The following DNAH10 variants were observed in gnomAD, a reference collection of about 807,000 sequenced individuals.
DNAH10 encodes the protein dynein axonemal heavy chain 10, also known as axonemal beta dynein heavy chain 10.
DNAH10 carries 348 observed loss-of-function variants against 506.6 expected under a neutral mutation model. The observed-to-expected ratio is 0.69, with a 90% CI of 0.63 to 0.75. The LOEUF is 0.75. DNAH10 is among the 30% of genes least tolerant of loss of function. The pLI is 0.00. For missense variants in DNAH10, 5,179 were observed against 5,787.1 expected (o/e 0.89, Z 3.41); for synonymous variants, 2,059 against 2,198.6 (o/e 0.94, Z 1.78).
chr12:123,768,141 C>CCTCCTT (rs1377091463), intron 2 of DNAH10, among the ~76,000 whole-genome samples: 62 of 109,244 alleles, frequency 5.7e-4, no homozygotes, highest in African/African-American at 1.0e-3. Context: ...TCCTCCTCCT[C>CCTCCTT]CTTTTTTTTT....
chr12:123,800,699 GA>G (rs919337123), intron 15 of DNAH10, among the ~76,000 whole-genome samples: 4 of 150,134 alleles, frequency 2.7e-5, no homozygotes, highest in African/African-American at 7.3e-5. Context: ...AAAAAAAGAA[GA>G]AAAAAAAATT....
At chr12:123,885,470 A>AT (rs972106817) in intron 51 of DNAH10, among the ~76,000 whole-genome samples, 30 of 151,054 alleles carry the variant, frequency 2.0e-4, no homozygotes, top group Non-Finnish European at 3.4e-4. Context: ...AATATTGTTC[A>AT]TTTTTTTTTC....
At chr12:123,935,148 TGTCA>T (rs1157287476) in intron 78 of DNAH10, among the ~76,000 whole-genome samples, 183 bp from the exon 79 acceptor site, 6 of 152,194 alleles carry the variant, frequency 3.9e-5, no homozygotes, top group Non-Finnish European at 7.3e-5. Flanking sequence ...TTAACCAGGG[TGTCA>T]GTGTGAAGCC....
Position 123,870,475 on chromosome 12 carries a change from C to T in DNAH10, c.7629C>T (p.Ile2543=). The T allele has an allele frequency of 4.3e-6, 7 of 1,613,452 alleles. No homozygotes were observed. The highest frequency in any genetic ancestry group is 5.9e-6 in the Non-Finnish European group (7 of 1,179,782). Reference sequence around the variant, plus strand: ...TTCATGCCCCCGAGAGGAAATTCATCAACATCCTGGGTAAGTCAGAGTCAA... The same window carrying T: ...TTCATGCCCCCGAGAGGAAATTCATTAACATCCTGGGTAAGTCAGAGTCAA... The part of the protein sequence containing the change: ...EYIHAPERKF[I]NILVHTVDTT... Residue 2543 remains isoleucine (I), a synonymous_variant, in exon 44 of 79, where the codon ATC becomes ATT. Transcript: ENST00000673944.
chr12:123,781,441 C>T (rs977169596), intron 6 of DNAH10, 142 bp downstream of exon 6: 9 of 775,402 alleles, frequency 1.2e-5, no homozygotes, highest in Non-Finnish European at 1.8e-5. Flanking sequence ...CACTTTGTCG[C>T]TCAGGCTGGC....
At chr12:123,793,333 G>C (rs1167464199) in intron 11 of DNAH10, among the ~76,000 whole-genome samples, 2 of 151,002 alleles carry the variant, frequency 1.3e-5, no homozygotes, top group African/African-American at 4.9e-5. Context: ...ACCTGCCTTA[G>C]TTACTGTCTT....
intron 1 of DNAH10, among the ~76,000 whole-genome samples, chr12:123,764,719 G>A (rs371963678): frequency 2.0e-4 from 30 of 152,086 alleles, no homozygotes; most frequent in East Asian, 7.8e-4. Flanking sequence ...CCCCCACCCC[G>A]CCCCCTGACC....
Position 123,836,962 on chromosome 12 carries a change from C to T in DNAH10, c.4902+1434C>T, listed in dbSNP as rs182585850. ...CCACATCCTGGGTTCCGGCTGTTCT[C>T]CTGCCTCAGCCTCCGAGTAGCTGGG... On this transcript the variant is annotated intron_variant, in intron 28 of 78. Coordinates refer to ENST00000673944, the MANE Select transcript of DNAH10 (RefSeq NM_001372106.1). Among the ~76,000 whole-genome samples, 231 of 100,170 alleles carry T rather than the reference C, an allele frequency of 2.3e-3. 5 individuals carry two copies. Among genetic ancestry groups the T allele is most frequent in the Non-Finnish European group, 2.9e-4 (14 of 48,298 alleles). The allele number at this position is 100,170 out of a possible 152,430, so 65.7% of individuals were successfully genotyped here.
Position 123,814,033 on chromosome 12 carries a change from A to G in DNAH10, c.3780+121A>G. Reference sequence around the variant, plus strand: ...GTTTTCAAATAAGTGACTTTAAGTAATACATTGTAAATGTAAAGCAATGCC... The same window carrying G: ...GTTTTCAAATAAGTGACTTTAAGTAGTACATTGTAAATGTAAAGCAATGCC... On this transcript the variant is annotated intron_variant, in intron 21 of 78. Coordinates refer to ENST00000673944, the MANE Select transcript of DNAH10 (RefSeq NM_001372106.1). The G allele has an allele frequency of 3.2e-6, 3 of 926,396 alleles. No homozygotes were observed. In the South Asian group the frequency reaches 6.0e-5, roughly 19 times the overall value. 57.4% of individuals were successfully genotyped at this position (926,396 alleles called of 1,614,324 possible).
In DNAH10 at chr12:123,771,734, T is replaced by C. The variant is rs1392019053; in HGVS notation, c.396+36T>C. On this transcript the variant is annotated intron_variant, in intron 3 of 78. Coordinates refer to ENST00000673944, the MANE Select transcript of DNAH10 (RefSeq NM_001372106.1). ...CTCTTTGTCCTTGTTGGTGGGGTAA[T>C]GGGGACCCTTGATGCCCTCTAGGAT... 2.0e-6 allele frequency: 3 copies of C among 1,534,526 alleles called. No homozygotes were observed. In the African/African-American group the frequency reaches 4.1e-5, roughly 21 times the overall value.
chr12:123,867,849 G>T, intron 42 of DNAH10, 54 bp from the exon 43 acceptor site: 1 of 1,546,708 alleles, frequency 6.5e-7, no homozygotes, highest in Non-Finnish European at 8.8e-7. Flanking sequence ...GACTGGAATG[G>T]ACTCTGTGGG....
At position 123,903,199 on chromosome 12, in the gene DNAH10, A is replaced by G; in HGVS notation, c.9815+86A>G. The G allele has an allele frequency of 6.9e-7, 1 of 1,449,928 alleles. No homozygotes were observed. The allele number at this position is 1,449,928 out of a possible 1,614,324, so 89.8% of individuals were successfully genotyped here. ...ATGATCGTGGCAACCAGGAGCTTAC[A>G]AAGGAGCCGATGCCACATGCTGCCA... On this transcript the variant is annotated intron_variant, in intron 57 of 78. Transcript: ENST00000673944. The surrounding 1 kb of genome is among the most constrained non-coding windows in gnomAD (Gnocchi z 4.6).
Position 123,867,626 on chromosome 12 carries a change from C to CA in DNAH10, c.7302+30dup, listed in dbSNP as rs1951862486. 3.7e-6 allele frequency: 6 copies of CA among 1,609,598 alleles called. No homozygotes were observed. In the East Asian group the frequency reaches 1.3e-4, roughly 36 times the overall value. On this transcript the variant is annotated intron_variant, in intron 42 of 78. Transcript: ENST00000673944. ...GGTAAGAAATGATCCCTGCTGTTAG[C>CA]AAAAAGAAATTCTTTCCTAAAGACA...
chr12:123,798,303 A>G (rs763572627), intron 13 of DNAH10, among the ~76,000 whole-genome samples: 1 of 152,214 alleles, frequency 6.6e-6, no homozygotes, highest in Admixed American at 6.5e-5. Context: ...TACAGGTAGC[A>G]TAGCCTTCCT....
At chr12:123,796,462 C>A (rs891174430) in intron 12 of DNAH10, among the ~76,000 whole-genome samples, 194 bp from the exon 13 acceptor site, 30 of 151,914 alleles carry the variant, frequency 2.0e-4, no homozygotes, top group African/African-American at 6.8e-4. Flanking sequence ...GCCTCAACAA[C>A]AACAACAACA....
chr12:123,791,949 TTAGA>T lies in DNAH10; in HGVS notation c.1815+1830_1815+1833del, dbSNP rs1317162796. 2.6e-5 allele frequency among the ~76,000 whole-genome samples: 4 copies of T among 152,132 alleles called. No individual in the cohort carries two copies. In the East Asian group the frequency reaches 7.7e-4, roughly 29 times the overall value. On this transcript the variant is annotated intron_variant, in intron 11 of 78. Transcript: ENST00000673944. ...ATTCTTGCTGTCATTTTCCACAATTTTAGATGTTTCTTTTGTTGTTAACCCCTAT... is the reference window on the plus strand; with the variant it reads ...ATTCTTGCTGTCATTTTCCACAATTTTGTTTCTTTTGTTGTTAACCCCTAT...
intron 51 of DNAH10, among the ~76,000 whole-genome samples, chr12:123,883,092 T>TA (rs1419529476): frequency 5.9e-5 from 9 of 152,258 alleles, no homozygotes; most frequent in African/African-American, 2.2e-4. Flanking sequence ...CTCGTGTGGC[T>TA]ATGCCACGTT....
At chr12:123,793,605 TG>T (rs1307552267) in intron 11 of DNAH10, among the ~76,000 whole-genome samples, 3 of 152,220 alleles carry the variant, frequency 2.0e-5, no homozygotes, top group Non-Finnish European at 4.4e-5. Context: ...CCCAAAGTAC[TG>T]GGATTACAGG....
intron 18 of DNAH10, among the ~76,000 whole-genome samples, chr12:123,805,778 T>TC (rs1958648339): frequency 6.6e-6 from 1 of 151,040 alleles, no homozygotes; most frequent in Admixed American, 6.6e-5. Flanking sequence ...CTTTTCTTTT[T>TC]TTTTTTTTTT....
Sources: gnomAD v4.1 joint callset for allele counts (sites outside exome capture counted in the v4.1 genomes callset) on GRCh38, gnomAD v4.1.1 for gene constraint, Gnocchi (gnomAD v3.1) non-coding constraint, MANE v1.5 for transcripts, NCBI Gene and HGNC (gene_info 2026-07-23, HGNC 2026-07-21) for gene names.